Variants in CROCC observed in about 807,000 individuals in gnomAD.
The protein encoded by CROCC is ciliary rootlet coiled-coil, rootletin.
In CROCC, 180 loss-of-function variants were observed where a neutral mutation model predicts 245.2. The ratio of observed to expected loss-of-function variants is 0.73; its 90% CI spans 0.65 to 0.83. The LOEUF (loss-of-function observed/expected upper bound fraction) is 0.83. Ranked by LOEUF, CROCC falls within the 40% of genes least tolerant of loss-of-function variation. CROCC has a pLI of 0.00. For missense variants in CROCC, 2,688 were observed against 2,779.4 expected, an observed-to-expected ratio of 0.97 and a Z score of 0.74; for synonymous variants, 1,205 against 1,241.6, an observed-to-expected ratio of 0.97 and a Z score of 0.62.
chr1:16,914,649 G>C (rs1228305424), intron 1 of CROCC, among the ~76,000 whole-genome samples: 1 of 152,300 alleles, frequency 6.6e-6, no homozygotes, highest in Admixed American at 6.5e-5. Flanking sequence ...CAGGGCCGCC[G>C]GATGCTGTGC....
chr1:16,925,678 G>C (rs1281957256), intron 3 of CROCC, among the ~76,000 whole-genome samples: 1 of 152,280 alleles, frequency 6.6e-6, no homozygotes, highest in South Asian at 2.1e-4. Context: ...GCTGGAGCCC[G>C]CATTGGCAGG....
chr1:16,939,815 A>T, intron 12 of CROCC, 79 bp from the exon 13 acceptor site: 1 of 1,518,066 alleles, frequency 6.6e-7, no homozygotes. Context: ...GCTAGTGTGT[A>T]TCCCTGGAAC....
upstream of CROCC, among the ~76,000 whole-genome samples, chr1:16,916,970 A>G (rs1352132211): frequency 2.0e-5 from 3 of 152,238 alleles, no homozygotes; most frequent in African/African-American, 7.2e-5. Context: ...ATACAAAAAT[A>G]AGCTGGGCGC....
chr1:16,938,802 A>G, intron 11 of CROCC, 107 bp from the exon 12 acceptor site: 2 of 1,111,092 alleles, frequency 1.8e-6, no homozygotes, highest in Non-Finnish European at 2.6e-6. Context: ...TGTAAGAGGC[A>G]GCATTTGGAA....
intron 26 of CROCC, among the ~76,000 whole-genome samples, chr1:16,959,614 G>A (rs1394091812): frequency 2.6e-5 from 4 of 152,238 alleles, no homozygotes; most frequent in Non-Finnish European, 5.9e-5. Context: ...ACTGGTGACC[G>A]TGAGAGGTTG....
At chr1:16,949,235 A>G (rs2076118159) in intron 19 of CROCC, among the ~76,000 whole-genome samples, 1 of 152,278 alleles carries the variant, frequency 6.6e-6, no homozygotes, top group African/African-American at 2.4e-5. Context: ...ACTGCCGTTC[A>G]TCGGTCATCA....
In CROCC at chr1:16,922,699, T is replaced by A. The variant is rs2075435092; in HGVS notation, c.97T>A (p.Leu33Met). 10 of 1,613,614 alleles carry A rather than the reference T, an allele frequency of 6.2e-6. No individual in the cohort carries two copies. Among genetic ancestry groups the A allele is most frequent in the Non-Finnish European group, 8.5e-6 (10 of 1,179,842 alleles). Residue 33 changes from leucine (L) to methionine (M), a missense_variant, in exon 2 of 37, where the codon TTG becomes ATG. Transcript: ENST00000375541. ...ESSVLCQEKG[L>M]GARDLAQDAQ... ...CAGCGTCCTGTGCCAGGAGAAAGGC[T>A]TGGGCGCGCGGGACCTGGCCCAGGA...
intron 2 of CROCC, among the ~76,000 whole-genome samples, chr1:16,923,518 G>A (rs1397591845): frequency 6.6e-5 from 10 of 152,206 alleles, no homozygotes; most frequent in African/African-American, 1.4e-4. Flanking sequence ...CGCTTCTCCC[G>A]CTGGCCTTTC....
rs563106530 is a variant in CROCC, at chr1:16,915,671, A to G, written n.126-14615A>G. Among the ~76,000 whole-genome samples, 7 of 152,298 alleles carry G rather than the reference A, an allele frequency of 4.6e-5. No individual in the cohort carries two copies. In the East Asian group the frequency reaches 9.6e-4, roughly 21 times the overall value. ...AAAAAAAAAAAAGGAGGAGACAGAC[A>G]ACATACATGTTGGAGAAAATGGAAC... On this transcript the variant is annotated intron_variant and non_coding_transcript_variant, in intron 1 of 8. Coordinates refer to the CROCC transcript ENST00000466256.
intron 8 of CROCC, 46 bp downstream of exon 8, chr1:16,931,443 C>T (rs774336160): frequency 1.3e-6 from 2 of 1,502,240 alleles, no homozygotes; most frequent in Admixed American, 1.7e-5. Flanking sequence ...GCCAGCCCTG[C>T]TCTTTATGTC....
chr1:16,925,282 C>T (rs1469435093), intron 3 of CROCC, among the ~76,000 whole-genome samples: 1 of 152,264 alleles, frequency 6.6e-6, no homozygotes, highest in Non-Finnish European at 1.5e-5. Context: ...TGAGTGCCTA[C>T]TATGTGCCAG....
chr1:16,926,466 C>G (rs2100338547), intron 3 of CROCC, among the ~76,000 whole-genome samples: 1 of 152,388 alleles, frequency 6.6e-6, no homozygotes, highest in Non-Finnish European at 1.5e-5. Context: ...CCCTGTGGCC[C>G]TCACTGGCAT....
At chr1:16,950,014 C>T (rs749436539) in intron 19 of CROCC, among the ~76,000 whole-genome samples, 1 of 151,332 alleles carries the variant, frequency 6.6e-6, no homozygotes, top group Non-Finnish European at 1.5e-5. Context: ...GGTGATCCAC[C>T]CGCTTTGGCC....
chr1:16,950,633 C>A (rs1188367786), intron 19 of CROCC, among the ~76,000 whole-genome samples: 2 of 152,260 alleles, frequency 1.3e-5, no homozygotes, highest in African/African-American at 4.8e-5. Context: ...GCTGGGATTA[C>A]AGGCGTGAGC....
In CROCC at chr1:16,971,680, A is replaced by G. The variant is rs545242186; in HGVS notation, c.5967+33A>G. 2.0e-4 allele frequency: 292 copies of G among 1,446,524 alleles called. 2 individuals are homozygous for G. The South Asian group carries it at 3.0e-3, about 15-fold the overall frequency. The allele number at this position is 1,446,524 out of a possible 1,614,324, so 89.6% of individuals were successfully genotyped here. A position where few individuals can be genotyped will look rare whatever the true frequency, so the allele number is the denominator to read the frequency against. On this transcript the variant is annotated intron_variant, in intron 36 of 36. Coordinates refer to ENST00000375541, the MANE Select transcript of CROCC (RefSeq NM_014675.5). Reference sequence around the variant, plus strand: ...GGCCCCCTTAGAAGGCTGGGCCAGGATGGATGTGTGGGGCTGCAGAAAGAG... The same window carrying G: ...GGCCCCCTTAGAAGGCTGGGCCAGGGTGGATGTGTGGGGCTGCAGAAAGAG...
chr1:16,945,278 GA>G (rs1381317392), intron 14 of CROCC, among the ~76,000 whole-genome samples, 183 bp from the exon 15 acceptor site: 1 of 152,288 alleles, frequency 6.6e-6, no homozygotes, highest in Non-Finnish European at 1.5e-5. Flanking sequence ...TCATTTTGCA[GA>G]TGTGAAAACG....
chr1:16,958,857 C>A, intron 26 of CROCC, 107 bp downstream of exon 26: 1 of 1,251,932 alleles, frequency 8.0e-7, no homozygotes, highest in Non-Finnish European at 1.1e-6. Context: ...CTAGGGCTTG[C>A]TCCTTCCCCC....
At position 16,966,319 on chromosome 1, in the gene CROCC, G is replaced by A. The variant is rs2076417119; in HGVS notation, c.4697-89G>A. ...GGTGCAGACAGTCTGGCCCTGCACT[G>A]GGTGGAGTGCAGGCTGGACATTTTG... On this transcript the variant is annotated intron_variant, in intron 29 of 36. Transcript: ENST00000375541. The surrounding 1 kb of genome is among the most constrained non-coding windows in gnomAD (Gnocchi z 4.8). 5 of 1,439,400 alleles carry A rather than the reference G, an allele frequency of 3.5e-6. No individual in the cohort carries two copies. In the South Asian group the frequency reaches 5.6e-5, roughly 16 times the overall value. 89.2% of individuals were successfully genotyped at this position (1,439,400 alleles called of 1,614,324 possible). A position where few individuals can be genotyped will look rare whatever the true frequency, so the allele number is the denominator to read the frequency against.
At position 16,953,466 on chromosome 1, in the gene CROCC, G is replaced by T; in HGVS notation, c.3171G>T (p.Glu1057Asp). 6.2e-7 allele frequency: 1 copy of T among 1,606,944 alleles called. No homozygotes were observed. Among genetic ancestry groups the T allele is most frequent in the African/African-American group, 1.3e-5 (1 of 74,982 alleles). The stretch of plus-strand genomic sequence containing the variant: ...GCGACGAGGGCCTCCTCCTAGCAGA[G>T]AGTGAGAAGCAGCAGGTTCGTGAGC... The part of the protein sequence containing the change: ...QERDEGLLLA[E>D]SEKQQALSLK... Residue 1057 changes from glutamate to aspartate, a missense_variant, in exon 21 of 37, where the codon GAG becomes GAT. Glu to Asp is a conservative substitution (Grantham distance 45). Coordinates refer to ENST00000375541, the MANE Select transcript of CROCC (RefSeq NM_014675.5).
Sources: gnomAD v4.1 joint callset for allele counts (sites outside exome capture counted in the v4.1 genomes callset) on GRCh38, gnomAD v4.1.1 for gene constraint, Gnocchi (gnomAD v3.1) non-coding constraint, MANE v1.5 for transcripts, NCBI Gene and HGNC (gene_info 2026-07-23, HGNC 2026-07-21) for gene names.